The following ATP6V1C2 variants were observed in gnomAD, a reference collection of about 807,000 sequenced individuals.
The protein encoded by ATP6V1C2 is ATPase H+ transporting V1 subunit C2, also known as V-type proton ATPase subunit C 2.
ATP6V1C2 carries 45 observed loss-of-function variants against 56.8 expected under a neutral mutation model. That is an observed-to-expected ratio of 0.79 (90% CI 0.62 to 1.02). The LOEUF (loss-of-function observed/expected upper bound fraction) is 1.02, where lower values mean the gene tolerates loss of function less well. ATP6V1C2 is among the 50% of genes least tolerant of loss of function. The pLI is 0.00. For missense variants in ATP6V1C2, 463 were observed against 519.7 expected, an observed-to-expected ratio of 0.89 and a Z score of 1.06; for synonymous variants, 220 against 201.3, an observed-to-expected ratio of 1.09 and a Z score of -0.79.
chr2:10,737,803 C>T (rs1662337441), intron 3 of ATP6V1C2, among the ~76,000 whole-genome samples: 1 of 152,262 alleles, frequency 6.6e-6, no homozygotes, highest in African/African-American at 2.4e-5. Context: ...AAGCGATTCT[C>T]CTGCCTCAGC....
At chr2:10,765,620 T>C (rs1427911857) in intron 5 of ATP6V1C2, among the ~76,000 whole-genome samples, 3 of 152,222 alleles carry the variant, frequency 2.0e-5, no homozygotes, top group African/African-American at 2.4e-5. Context: ...TCAGAGAGGC[T>C]CAGGCCCCTG....
chr2:10,747,813 C>T (rs1009671863), intron 3 of ATP6V1C2, among the ~76,000 whole-genome samples: 2 of 152,006 alleles, frequency 1.3e-5, no homozygotes, highest in African/African-American at 4.8e-5. Flanking sequence ...TCTCTTTAGC[C>T]TTATTTAAAC....
chr2:10,770,835 C>T (rs1213748170), intron 6 of ATP6V1C2, among the ~76,000 whole-genome samples: 2 of 152,234 alleles, frequency 1.3e-5, no homozygotes, highest in Non-Finnish European at 2.9e-5. Flanking sequence ...GCACTGTGCC[C>T]TCAGGCCCGA....
intron 2 of ATP6V1C2, 115 bp downstream of exon 2, chr2:10,723,093 C>A (rs1661450438): frequency 7.7e-7 from 1 of 1,306,124 alleles, no homozygotes; most frequent in Non-Finnish European, 1.0e-6. Context: ...AAAGCAGGGG[C>A]TCTGAGGACA....
intron 4 of ATP6V1C2, 129 bp from the exon 5 acceptor site, chr2:10,764,202 C>T (rs1572577625): frequency 2.7e-6 from 2 of 754,046 alleles, no homozygotes; most frequent in East Asian, 2.7e-5. Context: ...GAGCCCTGTG[C>T]CTGCCCGCCG....
chr2:10,783,150 G>A lies in ATP6V1C2; in HGVS notation c.1195-24G>A, dbSNP rs182195629. 1.1e-3 allele frequency: 1,794 copies of A among 1,574,898 alleles called. 2 individuals carry two copies. The highest frequency in any genetic ancestry group is 1.4e-3 in the Non-Finnish European group (1,599 of 1,144,718). Reference sequence around the variant, plus strand: ...CAGGAAACTAGTTTATGCACTTAGAGCATTACCATGTCTTCTTTTGTAGGC... The same window carrying A: ...CAGGAAACTAGTTTATGCACTTAGAACATTACCATGTCTTCTTTTGTAGGC... On this transcript the variant is annotated intron_variant, in intron 13 of 13. Coordinates refer to ENST00000272238, the MANE Select transcript of ATP6V1C2 (RefSeq NM_001039362.2).
At chr2:10,727,477 A>G (rs1016345936) in intron 3 of ATP6V1C2, among the ~76,000 whole-genome samples, 2 of 151,182 alleles carry the variant, frequency 1.3e-5, no homozygotes, top group Admixed American at 1.3e-4. Flanking sequence ...AAATGCTTGA[A>G]CCCAGGAGCT....
At chr2:10,727,389 G>GA (rs34111959) in intron 3 of ATP6V1C2, among the ~76,000 whole-genome samples, 4,082 of 116,544 alleles carry the variant, frequency 0.035, 80 homozygotes, top group African/African-American at 0.063. Context: ...TTGTTTCTAA[G>GA]AAAAAAAAAA....
At position 10,722,930 on chromosome 2, in the gene ATP6V1C2, C is replaced by T. The variant is rs115461273; in HGVS notation, c.81C>T (p.Ser27=). ...QALERMNTVT[S]KSNLSYNTKF... is the part of the protein sequence containing the mutation. ...TGGAGAGGATGAATACTGTAACCTC[C>T]AAGTCCAACCTGTCTTATAATACCA... Residue 27 remains serine (S), a synonymous_variant, in exon 2 of 14, where the codon TCC becomes TCT. Coordinates refer to ENST00000272238, the MANE Select transcript of ATP6V1C2 (RefSeq NM_001039362.2). 1,629 of 1,614,038 alleles carry T rather than the reference C, an allele frequency of 1.0e-3. 15 individuals carry two copies. In the African/African-American group the frequency reaches 0.019, roughly 19 times the overall value.
At chr2:10,725,972 A>G (rs1661617465) in intron 2 of ATP6V1C2, among the ~76,000 whole-genome samples, 1 of 151,848 alleles carries the variant, frequency 6.6e-6, no homozygotes, top group African/African-American at 2.4e-5. Context: ...CCAGCTACCT[A>G]GGAAGGCTGA....
At chr2:10,744,312 C>T (rs999013509) in intron 3 of ATP6V1C2, 15 of 152,208 alleles carry the variant, frequency 9.9e-5, no homozygotes, top group Non-Finnish European at 1.8e-4. Context: ...CAATCAACAC[C>T]TCATCTCAGC....
At chr2:10,735,865 A>G (rs1432751220) in intron 3 of ATP6V1C2, among the ~76,000 whole-genome samples, 1 of 152,068 alleles carries the variant, frequency 6.6e-6, no homozygotes, top group Non-Finnish European at 1.5e-5. Flanking sequence ...CTAGGATTAT[A>G]GGCATGAGCC....
Position 10,784,526 on chromosome 2 carries a change from A to G in ATP6V1C2, c.*1263A>G, listed in dbSNP as rs182713019. The G allele has an allele frequency of 3.7e-6, 2 of 540,822 alleles. No individual in the cohort carries two copies. Among genetic ancestry groups the G allele is most frequent in the Admixed American group, 7.3e-5 (2 of 27,534 alleles). 33.5% of individuals were successfully genotyped at this position (540,822 alleles called of 1,614,324 possible). The stretch of plus-strand genomic sequence containing the variant: ...CAGAACTCAGGTGAAACATTTCAAC[A>G]TCACATCACTCACCATTTTAACACT... On this transcript the variant is annotated 3_prime_UTR_variant, in exon 14 of 14. Transcript: ENST00000272238.
At chr2:10,750,885 C>CAGTGCTTGGCGCATAGTAGTTGTT (rs1380407098) in intron 3 of ATP6V1C2, among the ~76,000 whole-genome samples, 19 of 152,274 alleles carry the variant, frequency 1.2e-4, no homozygotes, top group East Asian at 3.9e-4. Context: ...CATTTTAGAA[C>CAGTGCTTGGCGCATAGTAGTTGTT]AGTGCTTGGC....
At chr2:10,723,036 G>A in intron 2 of ATP6V1C2, 58 bp downstream of exon 2, 1 of 1,596,952 alleles carries the variant, frequency 6.3e-7, no homozygotes, top group South Asian at 1.1e-5. Flanking sequence ...AGACAGGAGA[G>A]GGAGACAGGT....
intron 13 of ATP6V1C2, 49 bp from the exon 14 acceptor site, chr2:10,783,125 C>T: frequency 6.9e-7 from 1 of 1,456,626 alleles, no homozygotes; most frequent in Non-Finnish European, 9.6e-7. Context: ...AAGGATAAGA[C>T]AGGAAACTAG....
At chr2:10,752,049 G>A (rs1004525873) in intron 3 of ATP6V1C2, among the ~76,000 whole-genome samples, 1 of 151,922 alleles carries the variant, frequency 6.6e-6, no homozygotes, top group Non-Finnish European at 1.5e-5. Flanking sequence ...GGGTGACAGA[G>A]TGACATCCTG....
rs371616422 is a variant in ATP6V1C2 at position 10,777,703 on chromosome 2, A to T, written c.944A>T (p.Glu315Val). Residue 315 changes from glutamate to valine, a missense_variant, in exon 11 of 14, where the codon GAG becomes GTG. Physicochemically the swap from Glu to Val is moderately radical, Grantham distance 121. Coordinates refer to ENST00000272238, the MANE Select transcript of ATP6V1C2 (RefSeq NM_001039362.2). ...PAAGQTDRER[E>V]SEGEGEGPLL... ...GCGGGGCAGACCGACAGAGAGAGAG[A>T]GAGTGAGGGCGAGGGTGAGGTAAGC... 1.9e-5 allele frequency: 30 copies of T among 1,613,408 alleles called. No individual in the cohort carries two copies. Among genetic ancestry groups the T allele is most frequent in the Middle Eastern group, 3.3e-4 (2 of 6,058 alleles).
intron 3 of ATP6V1C2, among the ~76,000 whole-genome samples, chr2:10,728,135 GC>G: frequency 6.6e-6 from 1 of 152,288 alleles, no homozygotes; most frequent in East Asian, 1.9e-4. Context: ...AGGCTGGAGT[GC>G]AGTGGTGCAA....
Sources: allele counts gnomAD v4.1 joint callset (sites outside exome capture counted in the v4.1 genomes callset), GRCh38; gene constraint gnomAD v4.1.1; transcripts MANE v1.5; gene names NCBI Gene and HGNC (gene_info 2026-07-23, HGNC 2026-07-21).